PPM1L: variants seen among roughly 807,000 people sequenced by gnomAD.
PPM1L encodes protein phosphatase, Mg2+/Mn2+ dependent 1L, also known as protein phosphatase 1L.
PPM1L carries 13 observed loss-of-function variants against 31.4 expected under a neutral mutation model. The observed-to-expected ratio is 0.41, with a 90% CI of 0.27 to 0.66. The LOEUF (loss-of-function observed/expected upper bound fraction) is 0.66. Ranked by LOEUF, PPM1L falls within the 30% of genes least tolerant of loss-of-function variation. The pLI, the probability that PPM1L is intolerant of heterozygous loss-of-function variation, is 0.29. For synonymous variants in PPM1L, 184 were observed against 175.4 expected (o/e 1.05, Z -0.39); for missense variants, 326 against 453.7 (o/e 0.72, Z 2.56).
intron 1 of PPM1L, among the ~76,000 whole-genome samples, chr3:160,759,252 G>A (rs945374791): frequency 1.3e-5 from 2 of 152,110 alleles, no homozygotes; most frequent in South Asian, 2.1e-4. Flanking sequence ...TGGTGCAGAC[G>A]ATAAATGAGG....
At position 160,940,271 on chromosome 3, in the gene PPM1L, G is replaced by A. The variant is rs1205225049; in HGVS notation, c.400-21465G>A. Among the ~76,000 whole-genome samples the A allele has an allele frequency of 4.6e-5, 7 of 152,190 alleles. No homozygotes were observed. In the East Asian group the frequency reaches 1.3e-3, roughly 29 times the overall value. ...TTTGGAAAATTTGGAGCCTGACTATGCAATAGAAAAGAAAAACCCATTTTC... is the reference window on the plus strand; with the variant it reads ...TTTGGAAAATTTGGAGCCTGACTATACAATAGAAAAGAAAAACCCATTTTC... On this transcript the variant is annotated intron_variant, in intron 1 of 3. Transcript: ENST00000498165.
rs150857283 is a variant in PPM1L, at chr3:160,813,220, A to T, written c.399+56513A>T. On this transcript the variant is annotated intron_variant, in intron 1 of 3. Transcript: ENST00000498165. ...ATTTTACATCCCCCAAATTATGGAGAGGCAATTAGCTTTTAATATTAAAGA... is the reference window on the plus strand; with the variant it reads ...ATTTTACATCCCCCAAATTATGGAGTGGCAATTAGCTTTTAATATTAAAGA... Among the ~76,000 whole-genome samples the T allele has an allele frequency of 1.7e-4, 26 of 152,306 alleles. No individual in the cohort carries two copies. The East Asian group carries it at 5.0e-3, about 29-fold the overall frequency.
intron 2 of PPM1L, among the ~76,000 whole-genome samples, chr3:161,008,718 G>A (rs997167986): frequency 5.3e-5 from 8 of 152,158 alleles, no homozygotes; most frequent in African/African-American, 1.9e-4. Flanking sequence ...TGGAGTTTTT[G>A]ACCCAAACAG....
chr3:160,771,878 T>C (rs183130419), intron 1 of PPM1L, among the ~76,000 whole-genome samples: 2,361 of 152,028 alleles, frequency 0.016, 52 homozygotes, highest in African/African-American at 0.054. Flanking sequence ...GTTTTTTTTT[T>C]CTTATCTATG....
At chr3:160,888,814 A>G (rs1210753652) in intron 1 of PPM1L, among the ~76,000 whole-genome samples, 1 of 152,242 alleles carries the variant, frequency 6.6e-6, no homozygotes, top group Non-Finnish European at 1.5e-5. Context: ...AAATCATAAC[A>G]GACCACAGAC....
chr3:160,998,050 ATAATATAG>A (rs2108049415), intron 2 of PPM1L, among the ~76,000 whole-genome samples: 1 of 152,296 alleles, frequency 6.6e-6, no homozygotes, highest in East Asian at 1.9e-4. Flanking sequence ...TAGAAGGAAA[ATAATATAG>A]AACTAAAAGT....
intron 1 of PPM1L, among the ~76,000 whole-genome samples, chr3:160,903,208 T>TATGTGTGTGTG (rs1553819694): frequency 4.2e-5 from 5 of 120,032 alleles, no homozygotes; most frequent in African/African-American, 1.6e-4. Flanking sequence ...GTGTGTATGT[T>TATGTGTGTGTG]TGTGTGTGTG....
chr3:161,007,646 TTTTTTA>T (rs1717757096), intron 2 of PPM1L, among the ~76,000 whole-genome samples: 1 of 152,310 alleles, frequency 6.6e-6, no homozygotes, highest in African/African-American at 2.4e-5. Context: ...ATTTATTTAT[TTTTTTA>T]TTTTTATTTT....
At chr3:160,850,902 T>C (rs1182166865) in intron 1 of PPM1L, among the ~76,000 whole-genome samples, 1 of 151,774 alleles carries the variant, frequency 6.6e-6, no homozygotes, top group African/African-American at 2.4e-5. Flanking sequence ...GGGTCATTAT[T>C]GTTTTTCTCT....
At chr3:160,944,537 A>G (rs988582932) in intron 1 of PPM1L, among the ~76,000 whole-genome samples, 4 of 149,762 alleles carry the variant, frequency 2.7e-5, no homozygotes, top group Non-Finnish European at 3.0e-5. Context: ...GGTCAAGCAG[A>G]AAGAAAGAAA....
At position 160,918,012 on chromosome 3, in the gene PPM1L, C is replaced by T. The variant is rs562265004; in HGVS notation, c.400-43724C>T. On this transcript the variant is annotated intron_variant, in intron 1 of 3. Coordinates refer to ENST00000498165, the MANE Select transcript of PPM1L (RefSeq NM_139245.4). Reference sequence around the variant, plus strand: ...TTCCTTGCCCTAATGCCTTTGTGCCCTCCCTCTCCCCAGCTGCACATGCAC... The same window carrying T: ...TTCCTTGCCCTAATGCCTTTGTGCCTTCCCTCTCCCCAGCTGCACATGCAC... 1.6e-4 allele frequency among the ~76,000 whole-genome samples: 24 copies of T among 152,286 alleles called. No individual in the cohort carries two copies. The East Asian group carries it at 4.2e-3, about 27-fold the overall frequency.
At chr3:160,846,498 A>G (rs1231711362) in intron 1 of PPM1L, among the ~76,000 whole-genome samples, 2 of 152,136 alleles carry the variant, frequency 1.3e-5, no homozygotes, top group African/African-American at 4.8e-5. Flanking sequence ...AAAATGTTGT[A>G]TTATTAGGAT....
rs1441312837 is a variant in PPM1L, at chr3:160,954,921, TTCTTTCCTTCC to T, written c.400-6813_400-6803del. ...CTTCCTTCCTTCCTTCCTTCCTTCC[TTCTTTCCTTCC>T]TTCCTTCCTTCCTTCCTTCCTTCCT... is the stretch of plus-strand genomic sequence containing the variant. On this transcript the variant is annotated intron_variant, in intron 1 of 3. Coordinates refer to ENST00000498165, the MANE Select transcript of PPM1L (RefSeq NM_139245.4). Among the ~76,000 whole-genome samples, 3 of 114,476 alleles carry T rather than the reference TTCTTTCCTTCC, an allele frequency of 2.6e-5. No individual in the cohort carries two copies. In the South Asian group the frequency reaches 1.0e-3, roughly 39 times the overall value. 75.1% of individuals were successfully genotyped at this position (114,476 alleles called of 152,430 possible).
intron 2 of PPM1L, among the ~76,000 whole-genome samples, chr3:160,993,704 C>T (rs1026254837): frequency 6.6e-6 from 1 of 152,118 alleles, no homozygotes; most frequent in Non-Finnish European, 1.5e-5. Context: ...GACATGAGAA[C>T]TGCAATAAGC....
At chr3:160,982,922 T>A (rs1302377340) in intron 2 of PPM1L, among the ~76,000 whole-genome samples, 5 of 152,236 alleles carry the variant, frequency 3.3e-5, no homozygotes, top group Admixed American at 6.5e-5. Context: ...CTAGATTTTT[T>A]AAAAATGTTA....
At chr3:160,916,041 A>T (rs1714165604) in intron 1 of PPM1L, among the ~76,000 whole-genome samples, 1 of 152,244 alleles carries the variant, frequency 6.6e-6, no homozygotes, top group South Asian at 2.1e-4. Context: ...ATGGCAACAA[A>T]AGCCAAAATA....
At chr3:160,822,304 A>G (rs1473846755) in intron 1 of PPM1L, among the ~76,000 whole-genome samples, 1 of 152,042 alleles carries the variant, frequency 6.6e-6, no homozygotes, top group Admixed American at 6.6e-5. Flanking sequence ...CCCATGATCC[A>G]GAACTCCATC....
intron 2 of PPM1L, among the ~76,000 whole-genome samples, chr3:160,989,642 G>A (rs914600677): frequency 2.6e-5 from 4 of 152,084 alleles, no homozygotes; most frequent in East Asian, 3.9e-4. Flanking sequence ...GGTCACAGGC[G>A]TGAGCCACCA....
intron 2 of PPM1L, among the ~76,000 whole-genome samples, chr3:161,003,269 G>C (rs971125011): frequency 6.7e-6 from 1 of 149,702 alleles, no homozygotes; most frequent in Non-Finnish European, 1.5e-5. Flanking sequence ...AAGTCAGGTA[G>C]TGTGATGCCT....
Sources: gnomAD v4.1 joint callset for allele counts (sites outside exome capture counted in the v4.1 genomes callset) on GRCh38, gnomAD v4.1.1 for gene constraint, MANE v1.5 for transcripts, NCBI Gene and HGNC (gene_info 2026-07-23, HGNC 2026-07-21) for gene names.